Variants in SV2C observed in about 807,000 individuals in gnomAD.
SV2C encodes the protein solute carrier family 22 member B3.
SV2C carries 49 observed loss-of-function variants against 79.7 expected under a neutral mutation model. The observed-to-expected ratio is 0.61, with a 90% CI of 0.49 to 0.78. The LOEUF (loss-of-function observed/expected upper bound fraction) is 0.78. Ranked by LOEUF, SV2C falls within the 30% of genes least tolerant of loss-of-function variation. SV2C has a pLI of 0.00. For missense variants in SV2C, 833 were observed against 912.9 expected (o/e 0.91, Z 1.13); for synonymous variants, 334 against 333.2 (o/e 1.00, Z -0.03).
At chr5:76,247,404 A>G (rs887407470) in intron 4 of SV2C, among the ~76,000 whole-genome samples, 1 of 152,238 alleles carries the variant, frequency 6.6e-6, no homozygotes, top group African/African-American at 2.4e-5. Context: ...GCTGTCACTC[A>G]CTTAAAACCA....
At chr5:76,032,809 G>T in the SV2C span, among the ~76,000 whole-genome samples, 2 of 152,114 alleles carry the variant, frequency 1.3e-5, no homozygotes, top group Non-Finnish European at 2.9e-5. Flanking sequence ...TCTAGACCCC[G>T]GAAAATCGCC....
chr5:76,033,629 C>G, the SV2C span, among the ~76,000 whole-genome samples: 1 of 152,146 alleles, frequency 6.6e-6, no homozygotes, highest in Non-Finnish European at 1.5e-5. Flanking sequence ...GTACCAGTAC[C>G]ATGCTGTTTT....
chr5:76,157,387 A>G (rs1050032552), intron 2 of SV2C, among the ~76,000 whole-genome samples: 2 of 152,106 alleles, frequency 1.3e-5, no homozygotes, highest in African/African-American at 4.8e-5. Context: ...TGTTTCTAAC[A>G]GATCTGCCTT....
At chr5:76,224,756 G>T (rs1257168544) in intron 4 of SV2C, among the ~76,000 whole-genome samples, 1 of 152,056 alleles carries the variant, frequency 6.6e-6, no homozygotes, top group African/African-American at 2.4e-5. Flanking sequence ...CCCTTAATTT[G>T]CCCAGGTTGT....
the SV2C span, among the ~76,000 whole-genome samples, chr5:75,899,817 G>A: frequency 3.9e-5 from 6 of 152,012 alleles, no homozygotes; most frequent in Non-Finnish European, 7.3e-5. Context: ...TTATCAGTAT[G>A]TAATGGCCTT....
chr5:75,868,348 ACAAACAAAAC>A, the SV2C span, among the ~76,000 whole-genome samples: 1 of 152,224 alleles, frequency 6.6e-6, no homozygotes, highest in South Asian at 2.1e-4. Context: ...AGGGTATTTA[ACAAACAAAAC>A]CAAACAAAAC....
In SV2C at chr5:76,241,531, T is replaced by C. The variant is rs184049905; in HGVS notation, c.913+31644T>C. ...CATAATCTAGAAACAGAACCACTGC[T>C]CTTTTGACAGGTGCCATCTCAGTGG... On this transcript the variant is annotated intron_variant, in intron 4 of 12. Transcript: ENST00000502798. 1.3e-4 allele frequency among the ~76,000 whole-genome samples: 20 copies of C among 152,310 alleles called. No individual in the cohort carries two copies. The East Asian group carries it at 3.5e-3, about 26-fold the overall frequency.
the SV2C span, among the ~76,000 whole-genome samples, chr5:75,866,365 C>T: frequency 6.6e-6 from 1 of 152,184 alleles, no homozygotes; most frequent in Non-Finnish European, 1.5e-5. Context: ...TGGGTACTTA[C>T]AGTGTTCTGG....
chr5:76,239,138 C>T (rs902656031), intron 4 of SV2C, among the ~76,000 whole-genome samples: 8 of 152,130 alleles, frequency 5.3e-5, no homozygotes, highest in Non-Finnish European at 1.0e-4. Flanking sequence ...CTCCACTAAG[C>T]CAGTTATTCT....
intron 12 of SV2C, among the ~76,000 whole-genome samples, chr5:76,324,655 G>A (rs2112564963): frequency 6.6e-6 from 1 of 151,512 alleles, no homozygotes; most frequent in South Asian, 2.1e-4. Flanking sequence ...ACCAGCCAGG[G>A]CAACGCAGGA....
At chr5:75,854,607 G>T in the SV2C span, among the ~76,000 whole-genome samples, 113 of 152,044 alleles carry the variant, frequency 7.4e-4, no homozygotes, top group African/African-American at 2.4e-3. Context: ...TATATATTCT[G>T]CACATAAGTC....
chr5:76,157,607 C>T (rs971090152), intron 2 of SV2C, among the ~76,000 whole-genome samples: 1 of 145,892 alleles, frequency 6.9e-6, no homozygotes, highest in Non-Finnish European at 1.5e-5. Context: ...ATTGAGACTT[C>T]ACTTATAGAA....
At chr5:75,916,176 A>G in the SV2C span, among the ~76,000 whole-genome samples, 1 of 152,134 alleles carries the variant, frequency 6.6e-6, no homozygotes, top group Admixed American at 6.5e-5. Flanking sequence ...ACATTGCAGA[A>G]GATGCTTCTT....
chr5:76,197,852 T>C (rs183785745), intron 3 of SV2C, among the ~76,000 whole-genome samples: 20 of 152,098 alleles, frequency 1.3e-4, no homozygotes, highest in African/African-American at 4.3e-4. Context: ...TCAGTATAAG[T>C]TTGAAGGCCT....
intron 1 of SV2C, among the ~76,000 whole-genome samples, chr5:76,088,613 C>T (rs991183577): frequency 6.6e-6 from 1 of 152,218 alleles, no homozygotes; most frequent in Admixed American, 6.5e-5. Flanking sequence ...TTAATACTAT[C>T]ACACTGGGGA....
chr5:76,291,591 T>C (rs1016403014), intron 7 of SV2C, among the ~76,000 whole-genome samples, 177 bp from the exon 8 acceptor site: 1 of 152,222 alleles, frequency 6.6e-6, no homozygotes, highest in Admixed American at 6.5e-5. Context: ...ACCTTGTCCA[T>C]TGACATCCAG....
In SV2C at chr5:76,132,161, G is replaced by A. The variant is rs766415564; in HGVS notation, c.411G>A (p.Gln137=). ...CTGACGAGGAAGAGTTAGCCCAGCA[G>A]TATGAGCTGATAATCCAAGAATGCG... ...RRADEEELAQ[Q]YELIIQECGH... The change falls in exon 2 of 13, where the codon CAG becomes CAA. Residue 137 remains glutamine (Q), a synonymous_variant. Transcript: ENST00000502798. The A allele has an allele frequency of 3.5e-5, 57 of 1,614,068 alleles. No individual in the cohort carries two copies. Among genetic ancestry groups the A allele is most frequent in the Non-Finnish European group, 4.7e-5 (55 of 1,180,042 alleles).
chr5:76,195,556 A>G (rs1744245611), intron 3 of SV2C, among the ~76,000 whole-genome samples: 1 of 152,208 alleles, frequency 6.6e-6, no homozygotes, highest in Non-Finnish European at 1.5e-5. Context: ...ACTTGGTAGA[A>G]AGCCTCCTTG....
At chr5:76,094,925 T>A (rs1365208090) in intron 1 of SV2C, among the ~76,000 whole-genome samples, 1 of 152,116 alleles carries the variant, frequency 6.6e-6, no homozygotes, top group Non-Finnish European at 1.5e-5. Flanking sequence ...TGTCTTTTGA[T>A]GAAAAAGAGT....
Sources: gnomAD v4.1 joint callset for allele counts (sites outside exome capture counted in the v4.1 genomes callset) on GRCh38, gnomAD v4.1.1 for gene constraint, MANE v1.5 for transcripts, NCBI Gene and HGNC (gene_info 2026-07-23, HGNC 2026-07-21) for gene names.